DGKG: variants seen among roughly 807,000 people sequenced by gnomAD.
DGKG encodes the protein diacylglycerol kinase gamma.
DGKG carries 78 observed loss-of-function variants against 105.3 expected under a neutral mutation model. That is an observed-to-expected ratio of 0.74 (90% CI 0.62 to 0.89). The LOEUF (loss-of-function observed/expected upper bound fraction) is 0.89, where lower values mean the gene tolerates loss of function less well. Among genes scored for constraint, DGKG ranks in the 40% least tolerant of loss-of-function variants. DGKG has a pLI of 0.00. For missense variants in DGKG, 958 were observed against 1,020.1 expected (o/e 0.94, Z 0.83); for synonymous variants, 346 against 367.1 (o/e 0.94, Z 0.66).
At chr3:186,154,509 G>A (rs1032257582) in intron 24 of DGKG, among the ~76,000 whole-genome samples, 2 of 152,008 alleles carry the variant, frequency 1.3e-5, no homozygotes, top group Non-Finnish European at 2.9e-5. Context: ...GCCAGGTGTG[G>A]TAGTGGGCGC....
Position 186,297,479 on chromosome 3 carries a change from A to T in DGKG, c.315T>A (p.Thr105=). 1.2e-6 allele frequency: 2 copies of T among 1,610,806 alleles called. No individual in the cohort carries two copies. The highest frequency in any genetic ancestry group is 1.7e-6 in the Non-Finnish European group (2 of 1,176,972). ...ASNSEANSAD[T]NIQNADNATK... is the part of the protein sequence containing the mutation. ...TGGCATTATCTGCATTCTGTATATT[A>T]GTATCTGAGGAAAAAAAAGAAGATT... The change falls in exon 5 of 25, where the codon ACT becomes ACA. Residue 105 remains threonine, a synonymous_variant. Coordinates refer to ENST00000265022, the MANE Select transcript of DGKG (RefSeq NM_001346.3).
At chr3:186,238,734 C>T (rs1720536729) in intron 20 of DGKG, among the ~76,000 whole-genome samples, 1 of 152,190 alleles carries the variant, frequency 6.6e-6, no homozygotes, top group Admixed American at 6.5e-5. Context: ...AAGGCCTTTT[C>T]TTTTTTGCCC....
intron 22 of DGKG, among the ~76,000 whole-genome samples, chr3:186,169,550 C>G (rs1009364247): frequency 2.6e-5 from 4 of 152,204 alleles, no homozygotes; most frequent in African/African-American, 9.6e-5. Context: ...TGCAGTTTTA[C>G]TTCCTGTCTT....
chr3:186,190,686 A>G (rs1485881594), intron 21 of DGKG, among the ~76,000 whole-genome samples: 1 of 150,878 alleles, frequency 6.6e-6, no homozygotes, highest in African/African-American at 2.4e-5. Flanking sequence ...TAACATAGAC[A>G]TAAAACTTTA....
In DGKG at chr3:186,299,841, T is replaced by TTTCTTTCTTTCTCTC. The variant is rs1446531456; in HGVS notation, c.145-1613_145-1612insGAGAGAAAGAAAGAA. ...TCTTTCTTTCTTTCTTTCTTTCTTT[T>TTTCTTTCTTTCTCTC]TTTTTTTTTTTGAGATAGAGCCTTG... On this transcript the variant is annotated intron_variant, in intron 3 of 24. Transcript: ENST00000265022. 7.2e-4 allele frequency among the ~76,000 whole-genome samples: 54 copies of TTTCTTTCTTTCTCTC among 74,652 alleles called. 1 individual carries two copies. The highest frequency in any genetic ancestry group is 3.0e-3 in the African/African-American group (51 of 17,080). The allele number at this position is 74,652 out of a possible 152,430, so 49.0% of individuals were successfully genotyped here.
At chr3:186,286,362 C>T (rs764996022) in intron 6 of DGKG, among the ~76,000 whole-genome samples, 1 of 152,200 alleles carries the variant, frequency 6.6e-6, no homozygotes, top group Non-Finnish European at 1.5e-5. Flanking sequence ...GACTCTCCAA[C>T]GCTGACCTCT....
At chr3:186,265,777 C>G (rs1219317552) in intron 13 of DGKG, among the ~76,000 whole-genome samples, 2 of 145,938 alleles carry the variant, frequency 1.4e-5, no homozygotes, top group Non-Finnish European at 3.0e-5. Context: ...ATTCTCCTGT[C>G]TCGGCCTCCT....
rs528153306 is a variant in DGKG at position 186,280,801 on chromosome 3, A to T, written c.595-57T>A. The T allele has an allele frequency of 1.2e-5, 18 of 1,489,428 alleles. No homozygotes were observed. In the East Asian group the frequency reaches 3.4e-4, roughly 28 times the overall value. The allele number at this position is 1,489,428 out of a possible 1,614,324, so 92.3% of individuals were successfully genotyped here. On this transcript the variant is annotated intron_variant, in intron 7 of 24. Transcript: ENST00000265022. ...AGGAGACAACCAGAGATGTGTCATT[A>T]AGAGCCGAACTCAAAATTAAGCCCA...
At chr3:186,222,698 G>A (rs1377360813) in intron 20 of DGKG, among the ~76,000 whole-genome samples, 1 of 150,868 alleles carries the variant, frequency 6.6e-6, no homozygotes, top group African/African-American at 2.4e-5. Context: ...CAAAAATTAG[G>A]CCAGGCGCAG....
At chr3:186,184,486 G>A (rs529828121) in intron 22 of DGKG, among the ~76,000 whole-genome samples, 2 of 144,062 alleles carry the variant, frequency 1.4e-5, no homozygotes, top group South Asian at 4.5e-4. Flanking sequence ...TGCAACCTCC[G>A]CCCCTTGGGT....
rs1452573661 is a variant in DGKG, at chr3:186,297,068, T to TCTCTCACA, written c.373+352_373+353insTGTGAGAG. ...CTCTCTGTCTGTCTGTCTGTCTCTC[T>TCTCTCACA]CACACACACACACACACACACACAC... On this transcript the variant is annotated intron_variant, in intron 5 of 24. Coordinates refer to ENST00000265022, the MANE Select transcript of DGKG (RefSeq NM_001346.3). 4.4e-4 allele frequency among the ~76,000 whole-genome samples: 57 copies of TCTCTCACA among 130,422 alleles called. 1 individual carries two copies. Among genetic ancestry groups the TCTCTCACA allele is most frequent in the African/African-American group, 1.6e-3 (57 of 34,580 alleles). 85.6% of individuals were successfully genotyped at this position (130,422 alleles called of 152,430 possible).
intron 24 of DGKG, among the ~76,000 whole-genome samples, chr3:186,154,121 A>G (rs1715911581): frequency 6.6e-6 from 1 of 152,152 alleles, no homozygotes; most frequent in Non-Finnish European, 1.5e-5. Context: ...AACAAAAAAG[A>G]AAAGTGTCTG....
Position 186,149,483 on chromosome 3 carries a change from C to T in DGKG, c.*607G>A, listed in dbSNP as rs543931330. On this transcript the variant is annotated 3_prime_UTR_variant, in exon 25 of 25. Coordinates refer to ENST00000265022, the MANE Select transcript of DGKG (RefSeq NM_001346.3). ...GCGCAGAAACCCAAGAATGGAAATACAGCTTTCCACAGCCTTTCTGCCTCT... is the reference window on the plus strand; with the variant it reads ...GCGCAGAAACCCAAGAATGGAAATATAGCTTTCCACAGCCTTTCTGCCTCT... The T allele has an allele frequency of 1.2e-5, 12 of 985,468 alleles. No homozygotes were observed. The South Asian group carries it at 4.7e-4, about 39-fold the overall frequency. 61.0% of individuals were successfully genotyped at this position (985,468 alleles called of 1,614,324 possible).
At position 186,260,519 on chromosome 3, in the gene DGKG, GAA is replaced by G. The variant is rs111691516; in HGVS notation, c.1350-8_1350-7del. On this transcript the variant is annotated splice_region_variant and splice_polypyrimidine_tract_variant and intron_variant, in intron 15 of 24. Transcript: ENST00000265022. ...AGTGGAATTTCCGAAGAATTCTATG[GAA>G]AAAAAAAGAAAAGGAGGGAGAGAGA... 6.8e-5 allele frequency: 107 copies of G among 1,574,114 alleles called. No homozygotes were observed. Among genetic ancestry groups the G allele is most frequent in the Non-Finnish European group, 8.8e-5 (101 of 1,151,206 alleles).
chr3:186,352,212 C>T (rs1016102076), intron 1 of DGKG, among the ~76,000 whole-genome samples: 2 of 152,140 alleles, frequency 1.3e-5, no homozygotes, highest in Admixed American at 6.5e-5. Context: ...AAGCCACCCC[C>T]CTGCTTGACC....
chr3:186,155,315 C>T (rs978277206), intron 24 of DGKG, among the ~76,000 whole-genome samples: 7 of 152,118 alleles, frequency 4.6e-5, no homozygotes, highest in African/African-American at 1.7e-4. Context: ...GCCTCAGTCT[C>T]CTGAATAGCT....
At chr3:186,304,515 A>C (rs1292338401) in intron 3 of DGKG, among the ~76,000 whole-genome samples, 1 of 152,348 alleles carries the variant, frequency 6.6e-6, no homozygotes, top group East Asian at 1.9e-4. Flanking sequence ...GACAACGTGA[A>C]TAAGAAAGTG....
chr3:186,206,058 C>T (rs905862866), intron 21 of DGKG, among the ~76,000 whole-genome samples: 1 of 152,108 alleles, frequency 6.6e-6, no homozygotes, highest in Non-Finnish European at 1.5e-5. Context: ...GGCTGACCTT[C>T]CCTTGTGAAT....
intron 18 of DGKG, among the ~76,000 whole-genome samples, chr3:186,252,294 G>T (rs749651903): frequency 6.6e-6 from 1 of 152,232 alleles, no homozygotes; most frequent in Non-Finnish European, 1.5e-5. Flanking sequence ...TAAGATGGCC[G>T]CTAGGCCTAG....
Sources: gnomAD v4.1 joint callset for allele counts (sites outside exome capture counted in the v4.1 genomes callset) on GRCh38, gnomAD v4.1.1 for gene constraint, MANE v1.5 for transcripts, NCBI Gene and HGNC (gene_info 2026-07-23, HGNC 2026-07-21) for gene names.